SPAG16: variants seen among roughly 807,000 people sequenced by gnomAD.
SPAG16 encodes the protein sperm-associated antigen 16 protein.
Under a neutral mutation model 80.4 loss-of-function variants are expected in SPAG16, and 86 were observed. That is an observed-to-expected ratio of 1.07 (90% CI 0.90 to 1.28). SPAG16 has a LOEUF of 1.28. Among genes scored for constraint, SPAG16 ranks in the 50% most tolerant of loss-of-function variants. The pLI is 0.00. For synonymous variants in SPAG16, 294 were observed against 265.9 expected (o/e 1.11, Z -1.03); for missense variants, 870 against 765.3 (o/e 1.14, Z -1.61).
chr2:214,228,050 C>A (rs1688403775), intron 15 of SPAG16, among the ~76,000 whole-genome samples: 1 of 151,912 alleles, frequency 6.6e-6, no homozygotes, highest in South Asian at 2.1e-4. Flanking sequence ...TATGCCCTGG[C>A]AAAGAAATAA....
At chr2:213,674,487 A>T (rs908239006) in intron 10 of SPAG16, among the ~76,000 whole-genome samples, 2 of 150,594 alleles carry the variant, frequency 1.3e-5, no homozygotes. Context: ...GCACCCACTA[A>T]CTCGTCATCT....
At chr2:213,500,558 G>A (rs768745856) in intron 10 of SPAG16, among the ~76,000 whole-genome samples, 11 of 152,118 alleles carry the variant, frequency 7.2e-5, no homozygotes, top group Admixed American at 4.6e-4. Flanking sequence ...TAAACATTAG[G>A]AATTAAATGG....
chr2:214,310,802 G>A (rs947457876), intron 15 of SPAG16, among the ~76,000 whole-genome samples: 2 of 152,156 alleles, frequency 1.3e-5, no homozygotes, highest in African/African-American at 2.4e-5. Flanking sequence ...CCTGTCTGGT[G>A]GCTACTGATG....
At chr2:214,157,088 A>G (rs1307974833) in intron 15 of SPAG16, among the ~76,000 whole-genome samples, 1 of 152,096 alleles carries the variant, frequency 6.6e-6, no homozygotes, top group Non-Finnish European at 1.5e-5. Context: ...GGCCTCACTG[A>G]TTCTGGAGAA....
intron 12 of SPAG16, among the ~76,000 whole-genome samples, chr2:213,949,121 A>G (rs974637074): frequency 4.6e-5 from 7 of 151,226 alleles, no homozygotes; most frequent in Middle Eastern, 3.4e-3. Context: ...AATAATGTCT[A>G]CAGTTATTTA....
chr2:214,139,725 A>G (rs2055251565), intron 14 of SPAG16, among the ~76,000 whole-genome samples: 2 of 152,014 alleles, frequency 1.3e-5, no homozygotes, highest in Admixed American at 1.3e-4. Flanking sequence ...TGGCCTGGGT[A>G]AAGTCAAGCC....
At chr2:213,976,210 A>G (rs1487753032) in intron 12 of SPAG16, among the ~76,000 whole-genome samples, 4 of 150,468 alleles carry the variant, frequency 2.7e-5, no homozygotes, top group African/African-American at 7.3e-5. Context: ...ATACACATAC[A>G]TATGTACGCA....
intron 10 of SPAG16, among the ~76,000 whole-genome samples, chr2:213,634,937 C>T (rs926428999): frequency 4.0e-4 from 60 of 150,928 alleles, no homozygotes; most frequent in Middle Eastern, 3.4e-3. Context: ...TTATTTCACT[C>T]ATATATATAT....
chr2:214,299,951 AT>A (rs1236021668), intron 15 of SPAG16, among the ~76,000 whole-genome samples: 2 of 152,186 alleles, frequency 1.3e-5, no homozygotes, highest in Admixed American at 6.5e-5. Flanking sequence ...GTACAAGGCC[AT>A]TTTTAAGGGA....
At chr2:214,043,227 ACACTAGTAT>A (rs1340187429) in intron 13 of SPAG16, among the ~76,000 whole-genome samples, 1 of 151,932 alleles carries the variant, frequency 6.6e-6, no homozygotes, top group Non-Finnish European at 1.5e-5. Flanking sequence ...AATAAATCTA[ACACTAGTAT>A]AGCCTATTTC....
chr2:214,038,665 T>C (rs10206530), intron 13 of SPAG16, among the ~76,000 whole-genome samples: 37,251 of 150,884 alleles, frequency 0.25, 4,756 homozygotes, highest in East Asian at 0.3. Context: ...TAACATTAGG[T>C]ATATCTCCAA....
intron 10 of SPAG16, among the ~76,000 whole-genome samples, chr2:213,860,474 T>TGTATATAG (rs2075401009): frequency 1.4e-5 from 1 of 72,486 alleles, no homozygotes; most frequent in Non-Finnish European, 3.3e-5. Flanking sequence ...TATATCTATC[T>TGTATATAG]ATATATATAT....
intron 10 of SPAG16, among the ~76,000 whole-genome samples, chr2:213,532,817 TTC>T (rs2076117755): frequency 6.6e-6 from 1 of 152,196 alleles, no homozygotes; most frequent in Non-Finnish European, 1.5e-5. Flanking sequence ...TATAAGTTTA[TTC>T]TCTCAGTATT....
intron 15 of SPAG16, among the ~76,000 whole-genome samples, chr2:214,180,382 C>T (rs1241459745): frequency 6.6e-6 from 1 of 151,596 alleles, no homozygotes; most frequent in Admixed American, 6.6e-5. Flanking sequence ...CAATTAATGG[C>T]TGTGATATTT....
At chr2:214,286,913 C>T (rs895865731) in intron 15 of SPAG16, among the ~76,000 whole-genome samples, 4 of 152,120 alleles carry the variant, frequency 2.6e-5, no homozygotes, top group Admixed American at 1.3e-4. Flanking sequence ...TTCCTCGTCT[C>T]TTAATTTGAA....
chr2:213,822,705 C>T (rs577536899), intron 10 of SPAG16, among the ~76,000 whole-genome samples: 13 of 152,242 alleles, frequency 8.5e-5, no homozygotes, highest in South Asian at 2.1e-4. Context: ...CCTATTGACC[C>T]GTCCTCTAAG....
Position 213,527,293 on chromosome 2 carries a change from C to G in SPAG16, c.1070+37203C>G, listed in dbSNP as rs62192349. Among the ~76,000 whole-genome samples, 630 of 152,260 alleles carry G rather than the reference C, an allele frequency of 4.1e-3. 2 individuals are homozygous for G. Among genetic ancestry groups the G allele is most frequent in the Non-Finnish European group, 7.1e-3 (483 of 68,018 alleles). ...ACTGGTTTGCTTCTTGTGAGTGTTACCCCTACAAGCTGCTTGGTTTTAGCT... is the reference window on the plus strand; with the variant it reads ...ACTGGTTTGCTTCTTGTGAGTGTTAGCCCTACAAGCTGCTTGGTTTTAGCT... On this transcript the variant is annotated intron_variant, in intron 10 of 15. Coordinates refer to ENST00000331683, the MANE Select transcript of SPAG16 (RefSeq NM_024532.5).
intron 3 of SPAG16, among the ~76,000 whole-genome samples, chr2:213,301,768 G>A (rs1281108373): frequency 1.3e-5 from 2 of 152,036 alleles, no homozygotes; most frequent in East Asian, 1.9e-4. Context: ...TTCTTGATAT[G>A]CTTCCTGTTT....
intron 11 of SPAG16, among the ~76,000 whole-genome samples, chr2:213,924,706 T>G (rs993859897): frequency 1.3e-5 from 2 of 152,212 alleles, no homozygotes; most frequent in Non-Finnish European, 1.5e-5. Flanking sequence ...CTTAGAAGTT[T>G]AGTGTGCCTC....
Sources: gnomAD v4.1 joint callset for allele counts (sites outside exome capture counted in the v4.1 genomes callset) on GRCh38, gnomAD v4.1.1 for gene constraint, MANE v1.5 for transcripts, NCBI Gene and HGNC (gene_info 2026-07-23, HGNC 2026-07-21) for gene names.